The following CSNK2A2IP variants were observed in gnomAD, a reference collection of about 807,000 sequenced individuals.
The protein encoded by CSNK2A2IP is casein kinase 2 subunit alpha' interacting protein, also known as casein kinase II subunit alpha'-interacting protein.
the CSNK2A2IP span, among the ~76,000 whole-genome samples, chr3:88,353,423 T>G: frequency 1.3e-5 from 2 of 152,352 alleles, no homozygotes; most frequent in South Asian, 4.1e-4. Context: ...ATGAATTTGT[T>G]ACTTGCTTGT....
the CSNK2A2IP span, among the ~76,000 whole-genome samples, chr3:88,427,525 G>A: frequency 6.6e-6 from 1 of 152,152 alleles, no homozygotes; most frequent in African/African-American, 2.4e-5. Flanking sequence ...CACAGGCCTG[G>A]GGGCATAAGA....
At chr3:88,464,869 A>G in the CSNK2A2IP span, among the ~76,000 whole-genome samples, 2 of 152,194 alleles carry the variant, frequency 1.3e-5, no homozygotes, top group Admixed American at 1.3e-4. Context: ...TTAGCCCAAT[A>G]AGTTAAATAT....
the CSNK2A2IP span, among the ~76,000 whole-genome samples, chr3:88,406,934 G>C: frequency 5.3e-5 from 8 of 152,230 alleles, no homozygotes; most frequent in African/African-American, 1.9e-4. Context: ...CCGACACGGA[G>C]GTGAGGGGGA....
At chr3:88,461,638 A>G in the CSNK2A2IP span, among the ~76,000 whole-genome samples, 1 of 152,182 alleles carries the variant, frequency 6.6e-6, no homozygotes, top group South Asian at 2.1e-4. Flanking sequence ...CATTTTCACC[A>G]GCAGTTTCTT....
the CSNK2A2IP span, among the ~76,000 whole-genome samples, chr3:88,394,759 T>G: frequency 6.6e-6 from 1 of 152,248 alleles, no homozygotes; most frequent in African/African-American, 2.4e-5. Context: ...GTGAAAACTT[T>G]AAGTCCTTTG....
the CSNK2A2IP span, among the ~76,000 whole-genome samples, chr3:88,373,692 A>C: frequency 6.6e-6 from 1 of 151,216 alleles, no homozygotes; most frequent in East Asian, 1.9e-4. Flanking sequence ...AAATGGAGAA[A>C]TGCAATAAAG....
chr3:88,465,753 A>T, the CSNK2A2IP span: 1 of 1,231,732 alleles, frequency 8.1e-7, no homozygotes, highest in Non-Finnish European at 1.0e-6. Context: ...CAACGTCTTC[A>T]TCTGACCTCA....
At chr3:88,440,915 T>C in the CSNK2A2IP span, among the ~76,000 whole-genome samples, 3 of 152,108 alleles carry the variant, frequency 2.0e-5, no homozygotes, top group African/African-American at 7.3e-5. Context: ...TTAATGCCAT[T>C]ATTAGAATTT....
the CSNK2A2IP span, among the ~76,000 whole-genome samples, chr3:88,389,378 G>C: frequency 6.6e-6 from 1 of 152,180 alleles, no homozygotes; most frequent in Admixed American, 6.5e-5. Context: ...ACCTTGTCTG[G>C]CTGTGCTTGA....
the CSNK2A2IP span, among the ~76,000 whole-genome samples, chr3:88,387,163 C>CTT: frequency 4.1e-3 from 449 of 109,824 alleles, 2 homozygotes; most frequent in East Asian, 0.014. Context: ...CAAACACATG[C>CTT]TTTTTTTTTT....
the CSNK2A2IP span, among the ~76,000 whole-genome samples, chr3:88,382,160 A>G: frequency 2.6e-5 from 4 of 152,204 alleles, no homozygotes; most frequent in African/African-American, 9.6e-5. Flanking sequence ...TTGGTGTAGG[A>G]TATTTCTTCC....
the CSNK2A2IP span, among the ~76,000 whole-genome samples, chr3:88,418,448 G>GTGTA: frequency 8.9e-6 from 1 of 112,496 alleles, no homozygotes. Context: ...GTGTGTGTGT[G>GTGTA]TGTGTGTGTG....
At chr3:88,443,096 T>C in the CSNK2A2IP span, among the ~76,000 whole-genome samples, 2 of 152,142 alleles carry the variant, frequency 1.3e-5, no homozygotes, top group African/African-American at 4.8e-5. Context: ...GTTATGAAAA[T>C]AACACAGATG....
At chr3:88,343,011 C>A in the CSNK2A2IP span, 1 of 151,942 alleles carries the variant, frequency 6.6e-6, no homozygotes, top group Admixed American at 6.6e-5. Context: ...GGGTGGGAGA[C>A]ATAATCCAGG....
chr3:88,424,593 T>C, the CSNK2A2IP span, among the ~76,000 whole-genome samples: 1 of 152,172 alleles, frequency 6.6e-6, no homozygotes, highest in Non-Finnish European at 1.5e-5. Context: ...CAAGGCTCTG[T>C]CATCAGCTTT....
At chr3:88,416,306 T>C in the CSNK2A2IP span, among the ~76,000 whole-genome samples, 1 of 148,710 alleles carries the variant, frequency 6.7e-6, no homozygotes, top group Non-Finnish European at 1.5e-5. Flanking sequence ...AAAAGGGTGA[T>C]AGAAGTTTCA....
chr3:88,421,149 A>G, the CSNK2A2IP span, among the ~76,000 whole-genome samples: 1 of 152,096 alleles, frequency 6.6e-6, no homozygotes, highest in South Asian at 2.1e-4. Flanking sequence ...AACATTCTTT[A>G]AAAAACCCTT....
At chr3:88,361,781 A>T in the CSNK2A2IP span, among the ~76,000 whole-genome samples, 1 of 151,970 alleles carries the variant, frequency 6.6e-6, no homozygotes, top group Non-Finnish European at 1.5e-5. Flanking sequence ...TAAACCTTGT[A>T]AGTATATTTC....
At chr3:88,401,284 A>T in the CSNK2A2IP span, among the ~76,000 whole-genome samples, 3 of 152,110 alleles carry the variant, frequency 2.0e-5, no homozygotes, top group Non-Finnish European at 4.4e-5. Flanking sequence ...TGTCTTCTTT[A>T]TAATTTTCAA....
Sources: gnomAD v4.1 joint callset for allele counts (sites outside exome capture counted in the v4.1 genomes callset) on GRCh38, gnomAD v4.1.1 for gene constraint, MANE v1.5 for transcripts, NCBI Gene and HGNC (gene_info 2026-07-23, HGNC 2026-07-21) for gene names.